ACSM4: variants seen among roughly 807,000 people sequenced by gnomAD.
ACSM4 encodes acyl-CoA synthetase medium chain family member 4, also known as acyl-coenzyme A synthetase ACSM4, mitochondrial.
Under a neutral mutation model 73.0 loss-of-function variants are expected in ACSM4, and 66 were observed. That is an observed-to-expected ratio of 0.90 (90% confidence interval 0.74 to 1.11). The LOEUF is 1.11. Among genes scored for constraint, ACSM4 ranks in the 50% least tolerant of loss-of-function variants. ACSM4 has a pLI of 0.00. For missense variants in ACSM4, 645 were observed against 714.4 expected, an observed-to-expected ratio of 0.90 and a Z score of 1.11; for synonymous variants, 222 against 254.0, an observed-to-expected ratio of 0.87 and a Z score of 1.20.
At chr12:7,324,168 A>T (rs1448249955) in intron 9 of ACSM4, 105 bp from the exon 10 acceptor site, 15 of 1,364,230 alleles carry the variant, frequency 1.1e-5, no homozygotes, top group Admixed American at 2.7e-5. Context: ...AAAAAAAAAA[A>T]TTTCCTATAT....
At chr12:7,325,737 C>T (rs893589424) in intron 11 of ACSM4, among the ~76,000 whole-genome samples, 9 of 152,128 alleles carry the variant, frequency 5.9e-5, no homozygotes, top group African/African-American at 2.2e-4. Flanking sequence ...GGAACTCTGG[C>T]AATGACAATA....
intron 2 of ACSM4, 44 bp from the exon 3 acceptor site, chr12:7,310,495 T>A: frequency 6.5e-7 from 1 of 1,545,364 alleles, no homozygotes; most frequent in Non-Finnish European, 8.7e-7. Context: ...TCTTCCACAA[T>A]GGACAGCAGT....
At chr12:7,310,204 T>C (rs781648562) in intron 2 of ACSM4, among the ~76,000 whole-genome samples, 43 of 152,328 alleles carry the variant, frequency 2.8e-4, no homozygotes, top group African/African-American at 9.1e-4. Flanking sequence ...AAATGTTACA[T>C]AGTAATGGCC....
At position 7,304,541 on chromosome 12, in the gene ACSM4, C is replaced by A; in HGVS notation, c.201+9C>A. 1 of 1,611,410 alleles carries A rather than the reference C, an allele frequency of 6.2e-7. No individual in the cohort carries two copies. The highest frequency in any genetic ancestry group is 8.5e-7 in the Non-Finnish European group (1 of 1,178,614). On this transcript the variant is annotated intron_variant, in intron 1 of 12. Transcript: ENST00000399422. Reference sequence around the variant, plus strand: ...GGTCCCAAAAGGAGAAGGTATATGACGATGGGCTTCCAGTAGATGCTTGGT... The same window carrying A: ...GGTCCCAAAAGGAGAAGGTATATGAAGATGGGCTTCCAGTAGATGCTTGGT...
intron 6 of ACSM4, among the ~76,000 whole-genome samples, 152 bp downstream of exon 6, chr12:7,320,956 C>T (rs947638475): frequency 1.3e-5 from 2 of 152,176 alleles, no homozygotes; most frequent in African/African-American, 2.4e-5. Flanking sequence ...GGAGGACGGT[C>T]GTATGCATTA....
chr12:7,327,031 A>T lies in ACSM4; in HGVS notation c.1592A>T (p.Lys531Ile), dbSNP rs759087615. The change falls in exon 12 of 13, where the codon AAA (lysine) becomes ATA (isoleucine). Residue 531 changes from lysine (K) to isoleucine (I), a missense_variant. By Grantham distance (102) the Lys-to-Ile change is moderately radical. Transcript: ENST00000399422. The part of the protein sequence containing the change: ...AAPFKSYNPE[K>I]LTLELQDHVK... ...CCCTTTAAGTCCTACAACCCAGAGA[A>T]ATTAACTCTTGAACTTCAGGATCAT... is the stretch of plus-strand genomic sequence containing the variant. 6.2e-7 allele frequency: 1 copy of T among 1,612,794 alleles called. No individual in the cohort carries two copies. The highest frequency in any genetic ancestry group is 8.5e-7 in the Non-Finnish European group (1 of 1,179,452).
At chr12:7,314,394 A>G (rs1275249715) in intron 3 of ACSM4, among the ~76,000 whole-genome samples, 1 of 152,208 alleles carries the variant, frequency 6.6e-6, no homozygotes, top group Non-Finnish European at 1.5e-5. Flanking sequence ...AAATCTAGAA[A>G]GGCATAACTC....
intron 7 of ACSM4, 86 bp downstream of exon 7, chr12:7,322,627 C>A: frequency 6.8e-7 from 1 of 1,477,432 alleles, no homozygotes; most frequent in Non-Finnish European, 9.0e-7. Context: ...GTGCCCCCAT[C>A]CCACTGTAAA....
intron 3 of ACSM4, among the ~76,000 whole-genome samples, chr12:7,314,248 A>G (rs1296831741): frequency 6.6e-6 from 1 of 152,206 alleles, no homozygotes; most frequent in Non-Finnish European, 1.5e-5. Flanking sequence ...AGGTTAACAT[A>G]ATAAGTTTAG....
Position 7,328,315 on chromosome 12 carries a change from C to A in ACSM4, c.1685C>A (p.Thr562Lys). The A allele has an allele frequency of 6.3e-7, 1 of 1,593,074 alleles. No homozygotes were observed. Among genetic ancestry groups the A allele is most frequent in the Non-Finnish European group, 8.6e-7 (1 of 1,169,084 alleles). ...KVEFVQELPK[T>K]ITGKIKRNVL... Reference sequence around the variant, plus strand: ...GAATTTGTTCAAGAACTCCCAAAGACAATCACTGGGAAAATCAAACGCAAC... The same window carrying A: ...GAATTTGTTCAAGAACTCCCAAAGAAAATCACTGGGAAAATCAAACGCAAC... Residue 562 changes from threonine to lysine, a missense_variant, in exon 13 of 13, where the codon ACA (threonine) becomes AAA (lysine). Transcript: ENST00000399422.
chr12:7,317,056 A>G, intron 3 of ACSM4, 81 bp from the exon 4 acceptor site: 2 of 1,480,860 alleles, frequency 1.4e-6, no homozygotes, highest in African/African-American at 1.4e-5. Context: ...GCAAGAGGGC[A>G]TAAGTAGTTG....
intron 11 of ACSM4, among the ~76,000 whole-genome samples, chr12:7,325,122 A>G (rs988705370): frequency 1.4e-4 from 21 of 152,236 alleles, no homozygotes; most frequent in African/African-American, 4.6e-4. Context: ...TCTCTAACCA[A>G]TGTGGTTCAG....
chr12:7,323,284 G>A lies in ACSM4; in HGVS notation c.1176G>A (p.Met392Ile). The A allele has an allele frequency of 6.2e-7, 1 of 1,611,364 alleles. No individual in the cohort carries two copies. Among genetic ancestry groups the A allele is most frequent in the Non-Finnish European group, 8.5e-7 (1 of 1,178,862 alleles). Reference protein sequence around the residue: ...QKGQEIKPGSMGKGMLPYDVQ... With the variant: ...QKGQEIKPGSIGKGMLPYDVQ... ...GCCAAGAAATTAAACCAGGTTCAAT[G>A]GGGAAAGGAATGCTGCCCTATGATG... Residue 392 changes from methionine to isoleucine, a missense_variant, in exon 8 of 13, where the codon ATG becomes ATA. By Grantham distance (10) the Met-to-Ile change is conservative (BLOSUM62 1). Transcript: ENST00000399422.
intron 5 of ACSM4, 28 bp from the exon 6 acceptor site, chr12:7,320,697 G>A: frequency 6.3e-7 from 1 of 1,586,892 alleles, no homozygotes; most frequent in Non-Finnish European, 8.6e-7. Flanking sequence ...GACCACTTCT[G>A]ACATCTGTGT....
intron 12 of ACSM4, 128 bp downstream of exon 12, chr12:7,327,223 T>A: frequency 8.4e-7 from 1 of 1,186,210 alleles, no homozygotes; most frequent in Non-Finnish European, 1.1e-6. Context: ...TCAATTTGTT[T>A]AACCCTAAGA....
In ACSM4 at chr12:7,317,153, C is replaced by T; in HGVS notation, c.637C>T (p.His213Tyr). The T allele has an allele frequency of 6.2e-7, 1 of 1,612,622 alleles. No individual in the cohort carries two copies. The highest frequency in any genetic ancestry group is 8.5e-7 in the Non-Finnish European group (1 of 1,179,342). Residue 213 changes from histidine (H) to tyrosine (Y), a missense_variant, in exon 4 of 13, where the codon CAC (histidine) becomes TAC (tyrosine). Coordinates refer to ENST00000399422, the MANE Select transcript of ACSM4 (RefSeq NM_001080454.2). ...QELFQFASEE[H>Y]SCVETGSQEP... is the part of the protein sequence containing the mutation. ...ATTTTGCAGATTCGCCTCTGAAGAG[C>T]ACAGCTGTGTGGAAACAGGAAGTCA...
chr12:7,328,137 G>A (rs914816248), intron 12 of ACSM4, 150 bp from the exon 13 acceptor site: 14 of 534,496 alleles, frequency 2.6e-5, no homozygotes, highest in Admixed American at 3.4e-5. Flanking sequence ...ATAAACAGAC[G>A]TTTCTGGTGT....
rs1376125462 is a variant in ACSM4, at chr12:7,323,552, A to G, written c.1300A>G (p.Lys434Glu). The G allele has an allele frequency of 8.7e-6, 14 of 1,612,614 alleles. No individual in the cohort carries two copies. Among genetic ancestry groups the G allele is most frequent in the Non-Finnish European group, 1.2e-5 (14 of 1,178,724 alleles). ...KPTRPFCFFS[K>E]YVDNPQKTAA... ...TACACGGCCCTTCTGTTTCTTCTCTAAATATGTGGTATGAGGATAGAAAGT... is the reference window on the plus strand; with the variant it reads ...TACACGGCCCTTCTGTTTCTTCTCTGAATATGTGGTATGAGGATAGAAAGT... The change falls in exon 9 of 13, where the codon AAA becomes GAA. Residue 434 changes from lysine (K) to glutamate (E), a missense_variant. Lys to Glu is a moderately conservative substitution (Grantham distance 56). Coordinates refer to ENST00000399422, the MANE Select transcript of ACSM4 (RefSeq NM_001080454.2).
intron 1 of ACSM4, among the ~76,000 whole-genome samples, chr12:7,305,134 GT>G (rs1946354932): frequency 6.6e-6 from 1 of 152,248 alleles, no homozygotes; most frequent in African/African-American, 2.4e-5. Context: ...AATTCTTCCT[GT>G]TAAATACAGG....
Sources: gnomAD v4.1 joint callset for allele counts (sites outside exome capture counted in the v4.1 genomes callset) on GRCh38, gnomAD v4.1.1 for gene constraint, MANE v1.5 for transcripts, NCBI Gene and HGNC (gene_info 2026-07-23, HGNC 2026-07-21) for gene names.